The following KAZN variants were observed in gnomAD, a reference collection of about 807,000 sequenced individuals.
The protein encoded by KAZN is kazrin.
Under a neutral mutation model 87.4 loss-of-function variants are expected in KAZN, and 40 were observed. The ratio of observed to expected loss-of-function variants is 0.46; its 90% confidence interval spans 0.36 to 0.60. The LOEUF is 0.60. Among genes scored for constraint, KAZN ranks in the 20% least tolerant of loss-of-function variants. The probability of loss-of-function intolerance (pLI) is 0.00; values close to 1 mark genes in which losing one functional copy is unlikely to be tolerated. For synonymous variants in KAZN, 466 were observed against 458.3 expected (o/e 1.02, Z -0.22); for missense variants, 898 against 1,073.9 (o/e 0.84, Z 2.29).
At chr1:14,665,094 C>T (rs149122076) in intron 1 of KAZN, among the ~76,000 whole-genome samples, 1 of 152,178 alleles carries the variant, frequency 6.6e-6, no homozygotes, top group South Asian at 2.1e-4. Context: ...CCATGTACCC[C>T]TCTTTATTCC....
chr1:14,163,637 G>A (rs773536016), intron 1 of KAZN, among the ~76,000 whole-genome samples: 45 of 152,212 alleles, frequency 3.0e-4, no homozygotes, highest in African/African-American at 5.3e-4. Context: ...GGAGACTGCC[G>A]TTCCCTAGTG....
intron 2 of KAZN, among the ~76,000 whole-genome samples, chr1:14,383,846 G>T (rs982323777): frequency 5.3e-5 from 8 of 151,984 alleles, no homozygotes; most frequent in Admixed American, 2.0e-4. Flanking sequence ...TTCCAATTCT[G>T]TGAAGAAAGT....
At chr1:14,480,170 T>C (rs534609827) in intron 2 of KAZN, among the ~76,000 whole-genome samples, 1 of 152,338 alleles carries the variant, frequency 6.6e-6, no homozygotes, top group South Asian at 2.1e-4. Flanking sequence ...CAGCCTCTCC[T>C]CCTCTGTGCC....
intron 4 of KAZN, among the ~76,000 whole-genome samples, chr1:15,054,675 G>C (rs2100471792): frequency 6.6e-6 from 1 of 151,580 alleles, no homozygotes; most frequent in Non-Finnish European, 1.5e-5. Context: ...AGAAGAAGAA[G>C]AAGAAAATAA....
At chr1:14,912,006 G>T (rs896727775) in intron 1 of KAZN, among the ~76,000 whole-genome samples, 1 of 151,976 alleles carries the variant, frequency 6.6e-6, no homozygotes, top group African/African-American at 2.4e-5. Context: ...ACAAAAAATA[G>T]CTGGGTGTGG....
chr1:14,619,279 C>T (rs1315994719), intron 1 of KAZN, among the ~76,000 whole-genome samples: 1 of 151,864 alleles, frequency 6.6e-6, no homozygotes, highest in African/African-American at 2.4e-5. Flanking sequence ...CTCACTGCAG[C>T]CTCAAACTCC....
At chr1:14,562,139 A>G (rs72862101) in intron 2 of KAZN, among the ~76,000 whole-genome samples, 1 of 152,100 alleles carries the variant, frequency 6.6e-6, no homozygotes, top group Non-Finnish European at 1.5e-5. Context: ...CACGACTGCC[A>G]TTCTGTTTGG....
chr1:14,072,231 G>A lies in KAZN; in HGVS notation c.92-108204G>A, dbSNP rs1243334942. 2.6e-5 allele frequency among the ~76,000 whole-genome samples: 4 copies of A among 152,182 alleles called. 1 individual carries two copies. The highest frequency in any genetic ancestry group is 4.4e-5 in the Non-Finnish European group (3 of 68,032). ...CAGGGCCTAGTGCGATGAGTGCTCA[G>A]TTCATGTGATCTTATTGTAAATTAA... On this transcript the variant is annotated intron_variant, in intron 1 of 16. Transcript: ENST00000636203.
At chr1:14,137,690 C>T (rs898040747) in intron 1 of KAZN, among the ~76,000 whole-genome samples, 1 of 134,260 alleles carries the variant, frequency 7.4e-6, no homozygotes, top group African/African-American at 2.8e-5. Flanking sequence ...AAGCCTACAA[C>T]AAATATAAGG....
intron 1 of KAZN, among the ~76,000 whole-genome samples, chr1:14,699,449 G>A (rs541701817): frequency 2.6e-5 from 4 of 152,208 alleles, no homozygotes; most frequent in Admixed American, 1.3e-4. Flanking sequence ...TAGGCTAGGC[G>A]CTGGGAATAC....
At chr1:15,083,128 C>T (rs771785822) in intron 8 of KAZN, among the ~76,000 whole-genome samples, 7 of 152,158 alleles carry the variant, frequency 4.6e-5, no homozygotes, top group Non-Finnish European at 8.8e-5. Context: ...ATTCATGATG[C>T]CATTTGAGCA....
chr1:14,702,212 C>T (rs1400168049), intron 1 of KAZN, among the ~76,000 whole-genome samples: 1 of 152,190 alleles, frequency 6.6e-6, no homozygotes, highest in Admixed American at 6.5e-5. Context: ...GAAAAGGCCC[C>T]ATGGCCTGGG....
At chr1:14,616,828 G>A (rs961553022) in intron 1 of KAZN, among the ~76,000 whole-genome samples, 1 of 152,214 alleles carries the variant, frequency 6.6e-6, no homozygotes, top group Non-Finnish European at 1.5e-5. Flanking sequence ...TTCTGCCCTC[G>A]TGGCCTCATT....
Position 14,062,025 on chromosome 1 carries a change from A to G in KAZN, c.92-118410A>G, listed in dbSNP as rs1570644513. Among the ~76,000 whole-genome samples the G allele has an allele frequency of 2.0e-5, 3 of 152,272 alleles. No individual in the cohort carries two copies. In the South Asian group the frequency reaches 6.2e-4, roughly 32 times the overall value. On this transcript the variant is annotated intron_variant, in intron 1 of 16. Transcript: ENST00000636203. ...GGTAATGGAGTTACTCTGCAAAAGT[A>G]CCTTATTCTTGGAAAGCACAGCAAA...
chr1:14,363,967 A>ATTTTTT (rs34042579), intron 2 of KAZN, among the ~76,000 whole-genome samples: 1 of 145,796 alleles, frequency 6.9e-6, no homozygotes. Flanking sequence ...TACTCACAAT[A>ATTTTTT]TTTTTTTTTT....
chr1:14,415,525 C>G (rs1664675642), intron 2 of KAZN, among the ~76,000 whole-genome samples: 4 of 152,260 alleles, frequency 2.6e-5, no homozygotes, highest in Non-Finnish European at 5.9e-5. Flanking sequence ...TTCCCCAGTC[C>G]TCGACCCCCA....
chr1:14,503,254 C>G (rs1333789747), intron 2 of KAZN, among the ~76,000 whole-genome samples: 2 of 151,680 alleles, frequency 1.3e-5, no homozygotes, highest in African/African-American at 4.8e-5. Context: ...GAGGCTAAGG[C>G]AGGCGGATCA....
intron 1 of KAZN, among the ~76,000 whole-genome samples, chr1:14,112,876 T>C (rs1431731631): frequency 2.6e-5 from 4 of 152,198 alleles, no homozygotes; most frequent in Admixed American, 2.6e-4. Context: ...GCCCTGTGCC[T>C]AGCACATAGA....
chr1:14,386,618 C>T (rs1224676248), intron 2 of KAZN, among the ~76,000 whole-genome samples: 3 of 152,074 alleles, frequency 2.0e-5, no homozygotes, highest in Non-Finnish European at 4.4e-5. Flanking sequence ...AAATTCTTTT[C>T]TTTAAGAATG....
Sources: allele counts gnomAD v4.1 joint callset (sites outside exome capture counted in the v4.1 genomes callset), GRCh38; gene constraint gnomAD v4.1.1; transcripts MANE v1.5; gene names NCBI Gene and HGNC (gene_info 2026-07-23, HGNC 2026-07-21).